EXOC4: variants seen among roughly 807,000 people sequenced by gnomAD.
EXOC4 encodes SEC8-like 1.
A neutral mutation model predicts 107.2 loss-of-function variants in EXOC4; 71 were observed. The ratio of observed to expected loss-of-function variants is 0.66; its 90% CI spans 0.55 to 0.81. EXOC4 has a LOEUF of 0.81. Among genes scored for constraint, EXOC4 ranks in the 30% least tolerant of loss-of-function variants. The pLI, the probability that EXOC4 is intolerant of heterozygous loss-of-function variation, is 0.00. For synonymous variants in EXOC4, 456 were observed against 441.2 expected (o/e 1.03, Z -0.42); for missense variants, 1,108 against 1,189.6 (o/e 0.93, Z 1.01).
chr7:133,352,176 T>C (rs1795925429), intron 5 of EXOC4, among the ~76,000 whole-genome samples: 2 of 151,956 alleles, frequency 1.3e-5, no homozygotes, highest in Non-Finnish European at 2.9e-5. Flanking sequence ...GTGTTCTGTA[T>C]GTGTCTGTTA....
intron 3 of EXOC4, among the ~76,000 whole-genome samples, chr7:133,301,549 C>T (rs1794641358): frequency 6.6e-6 from 1 of 152,156 alleles, no homozygotes; most frequent in African/African-American, 2.4e-5. Context: ...TTTTCAGAGT[C>T]CTCAAAGAAA....
intron 7 of EXOC4, among the ~76,000 whole-genome samples, chr7:133,444,209 G>C (rs1441679658): frequency 6.6e-6 from 1 of 152,188 alleles, no homozygotes; most frequent in Non-Finnish European, 1.5e-5. Flanking sequence ...GGGCAAGAGA[G>C]ATTCTGAATG....
chr7:134,083,324 C>T, the EXOC4 span, among the ~76,000 whole-genome samples: 1 of 152,164 alleles, frequency 6.6e-6, no homozygotes, highest in Non-Finnish European at 1.5e-5. Flanking sequence ...TACCTCTAGT[C>T]CCTTGCTCAT....
rs550191592 is a variant in EXOC4, at chr7:133,670,382, T to C, written c.1514+40241T>C. On this transcript the variant is annotated intron_variant, in intron 10 of 17. Coordinates refer to ENST00000253861, the MANE Select transcript of EXOC4 (RefSeq NM_021807.4). ...TTATGTGAAAGATTCTGGCATTTCCTAGCTGCCTAGCCAGTGTATGGTTTG... is the reference window on the plus strand; with the variant it reads ...TTATGTGAAAGATTCTGGCATTTCCCAGCTGCCTAGCCAGTGTATGGTTTG... Among the ~76,000 whole-genome samples, 7 of 152,236 alleles carry C rather than the reference T, an allele frequency of 4.6e-5. 1 individual carries two copies. The South Asian group carries it at 1.4e-3, about 32-fold the overall frequency.
At chr7:133,865,041 T>G (rs1490550111) in intron 11 of EXOC4, among the ~76,000 whole-genome samples, 2 of 152,204 alleles carry the variant, frequency 1.3e-5, no homozygotes, top group Non-Finnish European at 2.9e-5. Context: ...AATCCTTGTC[T>G]GAAAAATGAA....
chr7:133,501,421 G>A (rs1365465009), intron 9 of EXOC4, among the ~76,000 whole-genome samples: 3 of 152,160 alleles, frequency 2.0e-5, no homozygotes, highest in African/African-American at 7.2e-5. Context: ...ATTAATCAAA[G>A]GGCTGCTGGT....
At chr7:133,390,492 T>G (rs1796828900) in intron 7 of EXOC4, among the ~76,000 whole-genome samples, 1 of 151,470 alleles carries the variant, frequency 6.6e-6, no homozygotes, top group African/African-American at 2.4e-5. Flanking sequence ...CTGGGAGGAG[T>G]GAAGAAGCAG....
chr7:133,883,057 C>T (rs894502762), intron 11 of EXOC4, among the ~76,000 whole-genome samples: 1 of 152,114 alleles, frequency 6.6e-6, no homozygotes, highest in East Asian at 1.9e-4. Flanking sequence ...CCAGTCAATA[C>T]CCTCTCTAAG....
intron 15 of EXOC4, among the ~76,000 whole-genome samples, chr7:133,999,329 G>C (rs1379436384): frequency 6.6e-6 from 1 of 152,116 alleles, no homozygotes; most frequent in East Asian, 1.9e-4. Flanking sequence ...GTGACTCCTT[G>C]TGTGTGCTAC....
intron 4 of EXOC4, among the ~76,000 whole-genome samples, chr7:133,307,088 G>T (rs1794769391): frequency 6.6e-6 from 1 of 152,176 alleles, no homozygotes; most frequent in Admixed American, 6.5e-5. Context: ...TCTTCATTCA[G>T]ATATAGACAA....
At chr7:133,509,752 A>C (rs1217138106) in intron 9 of EXOC4, among the ~76,000 whole-genome samples, 3 of 152,218 alleles carry the variant, frequency 2.0e-5, no homozygotes, top group Non-Finnish European at 2.9e-5. Context: ...TTTGTAAGCA[A>C]ACCTTGCCAT....
intron 10 of EXOC4, among the ~76,000 whole-genome samples, chr7:133,724,912 G>A (rs1795183547): frequency 1.3e-5 from 2 of 152,220 alleles, no homozygotes; most frequent in African/African-American, 4.8e-5. Flanking sequence ...CAGAGAAGTG[G>A]TGTGGAATTG....
At chr7:133,522,346 C>T (rs2150911584) in intron 9 of EXOC4, among the ~76,000 whole-genome samples, 1 of 152,226 alleles carries the variant, frequency 6.6e-6, no homozygotes, top group East Asian at 1.9e-4. Context: ...TACACAACAA[C>T]AGCTTCTTCC....
In EXOC4 at chr7:133,285,694, G is replaced by A. The variant is rs141763840; in HGVS notation, c.277-3228G>A. Among the ~76,000 whole-genome samples the A allele has an allele frequency of 3.8e-3, 578 of 150,846 alleles. 3 individuals carry two copies. The highest frequency in any genetic ancestry group is 6.0e-3 in the Non-Finnish European group (409 of 67,748). ...TTCCATTTTCTTGAGCACTTGGTGT[G>A]CCTTTTCAATCTGAAAACTCATGTT... On this transcript the variant is annotated intron_variant, in intron 2 of 17. Coordinates refer to ENST00000253861, the MANE Select transcript of EXOC4 (RefSeq NM_021807.4).
At chr7:133,884,622 C>CGCGCGTGTGT (rs1799041562) in intron 11 of EXOC4, among the ~76,000 whole-genome samples, 1 of 111,366 alleles carries the variant, frequency 9.0e-6, no homozygotes, top group Non-Finnish European at 1.8e-5. Context: ...TGTGTGTGTG[C>CGCGCGTGTGT]GCGCGTGTGT....
At chr7:133,668,515 C>T (rs1466539212) in intron 10 of EXOC4, among the ~76,000 whole-genome samples, 1 of 152,158 alleles carries the variant, frequency 6.6e-6, no homozygotes, top group South Asian at 2.1e-4. Context: ...TTGATTGGTG[C>T]AACCCTTTGC....
chr7:133,398,903 C>T (rs1324593280), intron 7 of EXOC4, among the ~76,000 whole-genome samples: 1 of 152,154 alleles, frequency 6.6e-6, no homozygotes, highest in East Asian at 1.9e-4. Context: ...TGTTTAAGTG[C>T]TTATTATTTT....
intron 2 of EXOC4, among the ~76,000 whole-genome samples, chr7:133,285,932 T>A (rs375011330): frequency 6.6e-6 from 1 of 152,070 alleles, no homozygotes; most frequent in African/African-American, 2.4e-5. Context: ...GCTGATTTTT[T>A]AATTTATGGT....
intron 5 of EXOC4, among the ~76,000 whole-genome samples, chr7:133,338,217 A>G (rs549217202): frequency 3.9e-5 from 6 of 152,092 alleles, no homozygotes; most frequent in Non-Finnish European, 7.4e-5. Context: ...ATGTTTAGTG[A>G]TACAAAGTTT....
Sources: gnomAD v4.1 joint callset for allele counts (sites outside exome capture counted in the v4.1 genomes callset) on GRCh38, gnomAD v4.1.1 for gene constraint, MANE v1.5 for transcripts, NCBI Gene and HGNC (gene_info 2026-07-23, HGNC 2026-07-21) for gene names.